TULP4: variants seen among roughly 807,000 people sequenced by gnomAD.
TULP4 encodes the protein tubby-related protein 4.
TULP4 carries 16 observed loss-of-function variants against 129.0 expected under a neutral mutation model. The ratio of observed to expected loss-of-function variants is 0.12; its 90% CI spans 0.08 to 0.19. TULP4 has a LOEUF of 0.19. TULP4 is among the 10% of genes least tolerant of loss of function. The pLI is 1.00. For synonymous variants in TULP4, 998 were observed against 854.0 expected (o/e 1.17, Z -2.94); for missense variants, 1,842 against 2,059.1 (o/e 0.89, Z 2.04).
chr6:158,240,532 A>C (rs1284233739), intron 1 of TULP4, among the ~76,000 whole-genome samples: 1 of 50,000 alleles, frequency 2.0e-5, no homozygotes, highest in Non-Finnish European at 4.2e-5. Flanking sequence ...TGACCCCCCC[A>C]CCTCCCTCCC....
At chr6:158,497,346 G>A (rs1780356583) in intron 11 of TULP4, among the ~76,000 whole-genome samples, 1 of 152,212 alleles carries the variant, frequency 6.6e-6, no homozygotes, top group African/African-American at 2.4e-5. Flanking sequence ...AAAAGTGAGT[G>A]CTGTTCCCCA....
intron 1 of TULP4, among the ~76,000 whole-genome samples, chr6:158,382,910 C>G: frequency 6.6e-6 from 1 of 152,148 alleles, no homozygotes; most frequent in Non-Finnish European, 1.5e-5. Flanking sequence ...ATAACTGAGT[C>G]AAATATCATA....
chr6:158,342,580 A>G (rs1020976204), intron 1 of TULP4, among the ~76,000 whole-genome samples: 1 of 152,202 alleles, frequency 6.6e-6, no homozygotes, highest in Non-Finnish European at 1.5e-5. Flanking sequence ...ACTAATGTAC[A>G]ATATGTGTTT....
chr6:158,494,578 C>T lies in TULP4; in HGVS notation c.1777-175C>T, dbSNP rs112131652. On this transcript the variant is annotated intron_variant, in intron 10 of 13. Coordinates refer to ENST00000367097, the MANE Select transcript of TULP4 (RefSeq NM_020245.5). The stretch of plus-strand genomic sequence containing the variant: ...TGCGCCCCCACTCACTGCTGCGTGC[C>T]TGGCTGCCCTCGTTAGCTTCTGATC... Among the ~76,000 whole-genome samples, 74 of 152,312 alleles carry T rather than the reference C, an allele frequency of 4.9e-4. 1 individual carries two copies. Among genetic ancestry groups the T allele is most frequent in the African/African-American group, 1.8e-3 (73 of 41,564 alleles).
intron 1 of TULP4, among the ~76,000 whole-genome samples, chr6:158,255,957 C>T (rs1778234024): frequency 6.6e-6 from 1 of 152,184 alleles, no homozygotes; most frequent in Admixed American, 6.5e-5. Context: ...CCTTTTCTTG[C>T]TGGGCCTCGT....
chr6:158,461,411 CAAAAA>C (rs1172710735), intron 5 of TULP4, 147 bp from the exon 6 acceptor site: 1 of 552,500 alleles, frequency 1.8e-6, no homozygotes, highest in Non-Finnish European at 2.6e-6. Flanking sequence ...AACTCCGTCT[CAAAAA>C]AAAAAAAAAA....
Position 158,494,777 on chromosome 6 carries a change from T to G in TULP4, c.1801T>G (p.Ser601Ala), listed in dbSNP as rs768617345. The G allele has an allele frequency of 6.2e-7, 1 of 1,614,122 alleles. No homozygotes were observed. The highest frequency in any genetic ancestry group is 1.7e-5 in the Admixed American group (1 of 60,022). ...GCACAACTATCTTGCTCAGGTCACG[T>G]CTAATATCTGGGGAACCAAATTTAA... is the stretch of plus-strand genomic sequence containing the variant. ...TQHNYLAQVT[S>A]NIWGTKFKIV... Residue 601 changes from serine (S) to alanine (A), a missense_variant, in exon 11 of 14, where the codon TCT (serine) becomes GCT (alanine). Ser to Ala is a moderately conservative substitution (Grantham distance 99). Transcript: ENST00000367097.
chr6:158,401,340 G>C (rs1380642036), intron 1 of TULP4, among the ~76,000 whole-genome samples: 1 of 152,032 alleles, frequency 6.6e-6, no homozygotes. Context: ...TCCCAAAGTG[G>C]TAGAATTACA....
intron 1 of TULP4, among the ~76,000 whole-genome samples, chr6:158,277,228 A>G (rs1583697865): frequency 6.6e-6 from 1 of 152,176 alleles, no homozygotes; most frequent in East Asian, 1.9e-4. Context: ...GGCGTGAGCC[A>G]CCATGCCCAG....
At chr6:158,463,829 G>A (rs949690571) in intron 6 of TULP4, among the ~76,000 whole-genome samples, 4 of 151,404 alleles carry the variant, frequency 2.6e-5, no homozygotes, top group Non-Finnish European at 4.4e-5. Context: ...TCTTTTAATT[G>A]TGGTAAAACA....
chr6:158,285,697 T>C (rs1224132397), intron 1 of TULP4, among the ~76,000 whole-genome samples: 2 of 152,196 alleles, frequency 1.3e-5, no homozygotes, highest in African/African-American at 4.8e-5. Flanking sequence ...CACGGGTCCA[T>C]TGTTAGCTTT....
At chr6:158,449,262 G>T (rs980291452) in intron 4 of TULP4, 86 bp downstream of exon 4, 5 of 1,397,170 alleles carry the variant, frequency 3.6e-6, no homozygotes, top group Admixed American at 2.2e-5. Flanking sequence ...GGAGGAGGGA[G>T]GGTGAAGGGC....
chr6:158,433,581 C>T (rs756932538), intron 3 of TULP4, among the ~76,000 whole-genome samples: 56 of 152,114 alleles, frequency 3.7e-4, no homozygotes, highest in Non-Finnish European at 6.0e-4. Flanking sequence ...CGTGGTGGCA[C>T]GTGCCTGTAG....
chr6:158,328,912 A>C (rs1330349589), intron 1 of TULP4, among the ~76,000 whole-genome samples: 1 of 152,174 alleles, frequency 6.6e-6, no homozygotes, highest in South Asian at 2.1e-4. Flanking sequence ...TCCTTAGTGC[A>C]CTGGGCAGTG....
chr6:158,312,315 A>C, upstream of TULP4: 1 of 392,954 alleles, frequency 2.5e-6, no homozygotes, highest in Non-Finnish European at 4.5e-6. Flanking sequence ...AAAATACATC[A>C]CTAATGGCCA....
At chr6:158,351,841 C>A (rs960556027) in intron 1 of TULP4, among the ~76,000 whole-genome samples, 7 of 150,030 alleles carry the variant, frequency 4.7e-5, no homozygotes, top group African/African-American at 1.5e-4. Context: ...CCTGCCTCAG[C>A]CTCCCGAGTA....
chr6:158,497,308 G>A (rs908689984), intron 11 of TULP4, among the ~76,000 whole-genome samples: 2 of 152,210 alleles, frequency 1.3e-5, no homozygotes, highest in Admixed American at 6.5e-5. Flanking sequence ...TCTTTTCAAA[G>A]ACAGTATATG....
At chr6:158,453,311 C>G (rs1262108906) in intron 5 of TULP4, among the ~76,000 whole-genome samples, 1 of 151,508 alleles carries the variant, frequency 6.6e-6, no homozygotes, top group Non-Finnish European at 1.5e-5. Flanking sequence ...ACTAAAAATA[C>G]AAAAATTAGC....
chr6:158,269,822 G>A (rs1778513984), intron 1 of TULP4, among the ~76,000 whole-genome samples: 1 of 152,226 alleles, frequency 6.6e-6, no homozygotes, highest in South Asian at 2.1e-4. Flanking sequence ...AAATGAAGGT[G>A]TTTGAAAAGT....
Sources: allele counts gnomAD v4.1 joint callset (sites outside exome capture counted in the v4.1 genomes callset), GRCh38; gene constraint gnomAD v4.1.1; transcripts MANE v1.5; gene names NCBI Gene and HGNC (gene_info 2026-07-23, HGNC 2026-07-21).